The following TUSC3 variants were observed in gnomAD, a reference collection of about 807,000 sequenced individuals.
TUSC3 encodes the protein dolichyl-diphosphooligosaccharide--protein glycosyltransferase subunit TUSC3.
A neutral mutation model predicts 44.8 loss-of-function variants in TUSC3; 45 were observed. That is an observed-to-expected ratio of 1.00 (90% CI 0.79 to 1.29). The LOEUF (loss-of-function observed/expected upper bound fraction) is 1.29, where lower values mean the gene tolerates loss of function less well. TUSC3 is among the 50% of genes most tolerant of loss of function. The pLI is 0.00. For synonymous variants in TUSC3, 212 were observed against 152.9 expected (o/e 1.39, Z -2.85); for missense variants, 519 against 437.9 (o/e 1.19, Z -1.65).
chr8:15,659,530 A>G lies in TUSC3; in HGVS notation c.450A>G (p.Thr150=). The change falls in exon 4 of 11, where the codon ACA becomes ACG. Residue 150 remains threonine (T), a synonymous_variant. Coordinates refer to ENST00000503731, the MANE Select transcript of TUSC3 (RefSeq NM_006765.4). ...AGCTCAACATGAACTCTGCTCCTAC[A>G]TTCATGCATTTTCCTCCAAAAGGCA... ...FQQLNMNSAP[T]FMHFPPKGRP... is the part of the protein sequence containing the mutation. The G allele has an allele frequency of 6.2e-7, 1 of 1,613,036 alleles. No individual in the cohort carries two copies. The highest frequency in any genetic ancestry group is 8.5e-7 in the Non-Finnish European group (1 of 1,179,624).
intron 2 of TUSC3, among the ~76,000 whole-genome samples, chr8:15,510,552 C>A (rs1327649049): frequency 6.6e-6 from 1 of 151,932 alleles, no homozygotes; most frequent in African/African-American, 2.4e-5. Flanking sequence ...ATCAGACAAC[C>A]CCAACACTAT....
intron 6 of TUSC3, among the ~76,000 whole-genome samples, chr8:15,709,829 T>C (rs1343888322): frequency 6.6e-6 from 1 of 151,904 alleles, no homozygotes; most frequent in East Asian, 1.9e-4. Flanking sequence ...TCCAGATTCC[T>C]CATCACTTTA....
chr8:15,833,330 A>G, the TUSC3 span, among the ~76,000 whole-genome samples: 1 of 152,198 alleles, frequency 6.6e-6, no homozygotes, highest in Non-Finnish European at 1.5e-5. Context: ...AGACAGAAAT[A>G]CCATTTGACC....
At chr8:15,758,065 C>T in intron 10 of TUSC3, 2 of 1,368,040 alleles carry the variant, frequency 1.5e-6, no homozygotes. Flanking sequence ...TACCAAAAGA[C>T]TGACACGTGG....
chr8:15,524,369 A>T (rs1801344883), intron 2 of TUSC3, among the ~76,000 whole-genome samples: 1 of 152,202 alleles, frequency 6.6e-6, no homozygotes, highest in Non-Finnish European at 1.5e-5. Flanking sequence ...TCTAATGGAA[A>T]GGAATTGTGA....
intron 1 of TUSC3, among the ~76,000 whole-genome samples, chr8:15,555,468 T>C (rs1802226511): frequency 6.6e-6 from 1 of 150,538 alleles, no homozygotes; most frequent in African/African-American, 2.4e-5. Flanking sequence ...AGCTAGTTTT[T>C]TTGTATTGTA....
At chr8:15,699,505 A>G (rs1341436118) in intron 6 of TUSC3, among the ~76,000 whole-genome samples, 3 of 152,200 alleles carry the variant, frequency 2.0e-5, no homozygotes, top group Admixed American at 1.3e-4. Flanking sequence ...CAATGGTAAT[A>G]TGATCTGATG....
chr8:15,436,082 A>G lies in TUSC3; in HGVS notation n.91+18777A>G, dbSNP rs184966088. 4.5e-3 allele frequency among the ~76,000 whole-genome samples: 682 copies of G among 152,250 alleles called. 7 individuals carry two copies. Among genetic ancestry groups the G allele is most frequent in the African/African-American group, 0.016 (652 of 41,546 alleles). On this transcript the variant is annotated intron_variant and non_coding_transcript_variant, in intron 1 of 5. Coordinates refer to the TUSC3 transcript ENST00000503191. The stretch of plus-strand genomic sequence containing the variant: ...AAGATCGCTCATTCACATACCTGGT[A>G]CTTTGAAGTTAGCCATGGACTGGGG...
chr8:15,748,721 A>C (rs963051470), intron 9 of TUSC3: 1 of 616,402 alleles, frequency 1.6e-6, no homozygotes, highest in African/African-American at 1.8e-5. Context: ...ATGAGGTTTA[A>C]GCTCATTTTG....
chr8:15,842,945 G>T, the TUSC3 span, among the ~76,000 whole-genome samples: 2 of 152,106 alleles, frequency 1.3e-5, no homozygotes, highest in Non-Finnish European at 2.9e-5. Flanking sequence ...TGTTCACATT[G>T]TTTTTTGACA....
chr8:15,811,410 C>G, the TUSC3 span, among the ~76,000 whole-genome samples: 11 of 152,310 alleles, frequency 7.2e-5, no homozygotes, highest in South Asian at 2.3e-3. Context: ...AAGACCCAGA[C>G]AGTTTCACAG....
In TUSC3 at chr8:15,711,972, T is replaced by C. The variant is rs1467213496; in HGVS notation, c.799-18694T>C. 1.3e-5 allele frequency among the ~76,000 whole-genome samples: 2 copies of C among 151,972 alleles called. 1 individual carries two copies. Among genetic ancestry groups the C allele is most frequent in the East Asian group, 3.9e-4 (2 of 5,186 alleles). Reference sequence around the variant, plus strand: ...AACTTTATGAACTTCATGAATATTATTGTTGTGATTTGTTCAGACCTTGAT... The same window carrying C: ...AACTTTATGAACTTCATGAATATTACTGTTGTGATTTGTTCAGACCTTGAT... On this transcript the variant is annotated intron_variant, in intron 6 of 10. Coordinates refer to ENST00000503731, the MANE Select transcript of TUSC3 (RefSeq NM_006765.4).
chr8:15,692,879 C>G (rs1433765943), intron 6 of TUSC3, among the ~76,000 whole-genome samples: 1 of 152,032 alleles, frequency 6.6e-6, no homozygotes, highest in Non-Finnish European at 1.5e-5. Context: ...TAGTTAGATC[C>G]TCTCGTTGAA....
At chr8:15,585,039 T>C (rs188002553) in intron 1 of TUSC3, among the ~76,000 whole-genome samples, 3 of 152,282 alleles carry the variant, frequency 2.0e-5, no homozygotes, top group Admixed American at 6.5e-5. Flanking sequence ...TTAGAAATAC[T>C]CTAAAATAAG....
chr8:15,421,842 C>T (rs1468821401), intron 1 of TUSC3, among the ~76,000 whole-genome samples: 1 of 152,064 alleles, frequency 6.6e-6, no homozygotes, highest in African/African-American at 2.4e-5. Flanking sequence ...TAAAAAAATT[C>T]AATTTAAACT....
At chr8:15,826,462 A>G in the TUSC3 span, among the ~76,000 whole-genome samples, 1 of 152,194 alleles carries the variant, frequency 6.6e-6, no homozygotes, top group African/African-American at 2.4e-5. Context: ...GATATCGCAC[A>G]TTATATTAAT....
intron 1 of TUSC3, among the ~76,000 whole-genome samples, chr8:15,427,673 C>G (rs1045906070): frequency 8.8e-5 from 10 of 113,372 alleles, no homozygotes; most frequent in Admixed American, 1.7e-4. Flanking sequence ...CTTGGTCTCA[C>G]CTTATGCCCC....
chr8:15,678,394 AT>A (rs200099881), intron 6 of TUSC3, among the ~76,000 whole-genome samples: 13 of 151,406 alleles, frequency 8.6e-5, no homozygotes, highest in African/African-American at 2.9e-4. Flanking sequence ...ATATCAGTTT[AT>A]TTTTTTTTAG....
intron 1 of TUSC3, among the ~76,000 whole-genome samples, chr8:15,593,953 A>G (rs1038120914): frequency 1.3e-5 from 2 of 151,992 alleles, no homozygotes; most frequent in African/African-American, 4.8e-5. Context: ...CATTAAAATC[A>G]CTCTATGTCC....
Sources: gnomAD v4.1 joint callset for allele counts (sites outside exome capture counted in the v4.1 genomes callset) on GRCh38, gnomAD v4.1.1 for gene constraint, MANE v1.5 for transcripts, NCBI Gene and HGNC (gene_info 2026-07-23, HGNC 2026-07-21) for gene names.